Variants in DCC observed in about 807,000 individuals in gnomAD.
DCC encodes DCC netrin 1 receptor.
In DCC, 58 loss-of-function variants were observed where a neutral mutation model predicts 172.5. The ratio of observed to expected loss-of-function variants is 0.34; its 90% confidence interval spans 0.27 to 0.42. The LOEUF is 0.42. DCC is among the 10% of genes least tolerant of loss of function. DCC has a pLI of 1.00. For synonymous variants in DCC, 709 were observed against 644.5 expected (o/e 1.10, Z -1.52); for missense variants, 1,740 against 1,791.0 (o/e 0.97, Z 0.51).
chr18:53,486,740 T>C (rs2045904380), intron 25 of DCC, 57 bp from the exon 26 acceptor site: 12 of 1,612,608 alleles, frequency 7.4e-6, no homozygotes, highest in Non-Finnish European at 9.3e-6. Flanking sequence ...TTTTCTTTTT[T>C]GCTTGTTGAG....
chr18:53,308,078 CAA>C (rs2057224473), intron 13 of DCC, among the ~76,000 whole-genome samples: 1 of 150,946 alleles, frequency 6.6e-6, no homozygotes, highest in African/African-American at 2.4e-5. Flanking sequence ...CATATTTTTG[CAA>C]AGTTTTTAGC....
At chr18:52,666,193 C>G (rs1243830579) in intron 1 of DCC, among the ~76,000 whole-genome samples, 1 of 151,978 alleles carries the variant, frequency 6.6e-6, no homozygotes, top group African/African-American at 2.4e-5. Flanking sequence ...CTCGGTGGAG[C>G]TGAGACAGGC....
intron 15 of DCC, among the ~76,000 whole-genome samples, chr18:53,373,596 G>A (rs1469224516): frequency 6.6e-6 from 1 of 152,030 alleles, no homozygotes; most frequent in African/African-American, 2.4e-5. Flanking sequence ...TAAAGCACAA[G>A]GTTAAAAATG....
chr18:52,480,252 CAG>C (rs71926035), intron 1 of DCC, among the ~76,000 whole-genome samples: 8,716 of 152,030 alleles, frequency 0.057, 308 homozygotes, highest in South Asian at 0.12. Context: ...TAAATAAGAA[CAG>C]GGGATAGATC....
intron 27 of DCC, among the ~76,000 whole-genome samples, chr18:53,523,427 T>C (rs1249266787): frequency 1.3e-5 from 2 of 152,114 alleles, no homozygotes; most frequent in African/African-American, 2.4e-5. Flanking sequence ...CAAAGGATTA[T>C]AAATCATTCT....
At chr18:53,498,699 T>C (rs184842868) in intron 26 of DCC, among the ~76,000 whole-genome samples, 27 of 152,304 alleles carry the variant, frequency 1.8e-4, no homozygotes, top group African/African-American at 6.0e-4. Flanking sequence ...GAGGAAAAAT[T>C]GCAATTCCGC....
intron 5 of DCC, among the ~76,000 whole-genome samples, chr18:52,934,531 C>T (rs2040354507): frequency 6.6e-6 from 1 of 150,984 alleles, no homozygotes; most frequent in African/African-American, 2.5e-5. Flanking sequence ...ATTGAATGTG[C>T]ATAAAATATA....
chr18:52,913,497 GT>G (rs957882975), intron 3 of DCC, among the ~76,000 whole-genome samples: 44 of 151,026 alleles, frequency 2.9e-4, no homozygotes, highest in African/African-American at 8.8e-4. Flanking sequence ...AAATCAACCA[GT>G]TTTTTTTTCT....
At chr18:53,514,997 AAAAG>A (rs1346260981) in intron 27 of DCC, among the ~76,000 whole-genome samples, 2 of 151,808 alleles carry the variant, frequency 1.3e-5, no homozygotes, top group African/African-American at 4.8e-5. Flanking sequence ...ACACAACAAA[AAAAG>A]AGAATTTTAG....
chr18:52,931,796 G>A (rs865896470), intron 5 of DCC: 5 of 151,892 alleles, frequency 3.3e-5, no homozygotes, highest in African/African-American at 1.2e-4. Context: ...AGTAATCATC[G>A]ATAAAGTATT....
chr18:53,172,493 A>G (rs573214468), intron 8 of DCC, among the ~76,000 whole-genome samples: 1 of 152,196 alleles, frequency 6.6e-6, no homozygotes, highest in South Asian at 2.1e-4. Flanking sequence ...AAAATAAAAT[A>G]CAGAATAATA....
At chr18:53,147,101 T>G (rs950096336) in intron 7 of DCC, among the ~76,000 whole-genome samples, 26 of 152,180 alleles carry the variant, frequency 1.7e-4, no homozygotes, top group African/African-American at 6.3e-4. Flanking sequence ...GTTTTTATTG[T>G]CCTACTTTAT....
intron 15 of DCC, among the ~76,000 whole-genome samples, chr18:53,364,242 A>G (rs556587705): frequency 1.1e-4 from 17 of 152,288 alleles, no homozygotes; most frequent in Admixed American, 7.2e-4. Context: ...ACACCGTCAA[A>G]TTAGGGATGG....
chr18:52,418,715 G>A (rs746954253), intron 1 of DCC, among the ~76,000 whole-genome samples: 4 of 152,090 alleles, frequency 2.6e-5, no homozygotes, highest in Non-Finnish European at 2.9e-5. Flanking sequence ...ATACCCAATA[G>A]ATCCTTGGAG....
At chr18:53,428,062 CAT>C (rs1269511521) in intron 21 of DCC, among the ~76,000 whole-genome samples, 9 of 28,660 alleles carry the variant, frequency 3.1e-4, no homozygotes, top group African/African-American at 7.5e-4. Context: ...AATAATGTGT[CAT>C]ATATCATATA....
intron 2 of DCC, among the ~76,000 whole-genome samples, chr18:52,860,783 A>G (rs1228792533): frequency 6.6e-6 from 1 of 152,156 alleles, no homozygotes; most frequent in Non-Finnish European, 1.5e-5. Flanking sequence ...GCAGATCACG[A>G]GGTCAGGAGA....
At position 52,802,652 on chromosome 18, in the gene DCC, T is replaced by A. The variant is rs1167134830; in HGVS notation, c.412+50278T>A. ...CATCACCACGCCAAGCCTTTTTTTT[T>A]TTTTTTTTTTTTTTTTTTTTTTTTT... On this transcript the variant is annotated intron_variant, in intron 2 of 28. Coordinates refer to ENST00000442544, the MANE Select transcript of DCC (RefSeq NM_005215.4). Among the ~76,000 whole-genome samples the A allele has an allele frequency of 7.6e-5, 4 of 52,656 alleles. No homozygotes were observed. The South Asian group carries it at 4.0e-3, about 52-fold the overall frequency. 34.5% of individuals were successfully genotyped at this position (52,656 alleles called of 152,430 possible).
At chr18:52,389,431 C>T (rs1220261075) in intron 1 of DCC, among the ~76,000 whole-genome samples, 1 of 152,056 alleles carries the variant, frequency 6.6e-6, no homozygotes, top group Non-Finnish European at 1.5e-5. Flanking sequence ...CTCATTCTGA[C>T]AATCTTATGT....
At chr18:52,970,061 G>A (rs1043564368) in intron 5 of DCC, among the ~76,000 whole-genome samples, 6 of 151,966 alleles carry the variant, frequency 3.9e-5, no homozygotes, top group African/African-American at 1.4e-4. Context: ...ATGATTTTAT[G>A]GGATTTCTGT....
Sources: allele counts gnomAD v4.1 joint callset (sites outside exome capture counted in the v4.1 genomes callset), GRCh38; gene constraint gnomAD v4.1.1; transcripts MANE v1.5; gene names NCBI Gene and HGNC (gene_info 2026-07-23, HGNC 2026-07-21).